Variants in TPPP2 observed in about 807,000 individuals in gnomAD.
The protein encoded by TPPP2 is tubulin polymerization-promoting protein family member 2.
TPPP2 carries 8 observed loss-of-function variants against 13.0 expected under a neutral mutation model. The ratio of observed to expected loss-of-function variants is 0.62; its 90% CI spans 0.36 to 1.11. The LOEUF (loss-of-function observed/expected upper bound fraction) is 1.11, where lower values mean the gene tolerates loss of function less well. Ranked by LOEUF, TPPP2 falls within the 50% of genes most tolerant of loss-of-function variation. The pLI is 0.02. For missense variants in TPPP2, 213 were observed against 216.9 expected, an observed-to-expected ratio of 0.98 and a Z score of 0.11; for synonymous variants, 81 against 81.8, an observed-to-expected ratio of 0.99 and a Z score of 0.05.
At position 21,031,174 on chromosome 14, in the gene TPPP2, C is replaced by T. The variant is rs769283650; in HGVS notation, c.327+9C>T. ...CCACCACTGGCGCTACTGTGAGTGACAGCCTTCATCCCCTTGACCCTACTT... is the reference window on the plus strand; with the variant it reads ...CCACCACTGGCGCTACTGTGAGTGATAGCCTTCATCCCCTTGACCCTACTT... On this transcript the variant is annotated intron_variant, in intron 3 of 3. Coordinates refer to ENST00000321760, the MANE Select transcript of TPPP2 (RefSeq NM_173846.5). 4 of 1,612,592 alleles carry T rather than the reference C, an allele frequency of 2.5e-6. No individual in the cohort carries two copies. The highest frequency in any genetic ancestry group is 3.4e-6 in the Non-Finnish European group (4 of 1,179,294).
chr14:21,036,321 T>A (rs1186230298), downstream of TPPP2: 1 of 454,596 alleles, frequency 2.2e-6, no homozygotes, highest in Non-Finnish European at 4.4e-6. Flanking sequence ...TGCAATAGCT[T>A]GTTTCTCATA....
chr14:21,034,134 C>G, downstream of TPPP2: 4 of 1,614,174 alleles, frequency 2.5e-6, no homozygotes, highest in Non-Finnish European at 3.4e-6. Context: ...CAGACCATTA[C>G]AATAGCCCCG....
Position 21,031,067 on chromosome 14 carries a change from C to A in TPPP2, c.229C>A (p.Leu77Met). 11 of 1,614,130 alleles carry A rather than the reference C, an allele frequency of 6.8e-6. No homozygotes were observed. The highest frequency in any genetic ancestry group is 9.3e-6 in the Non-Finnish European group (11 of 1,180,030). Residue 77 changes from leucine to methionine, a missense_variant, in exon 3 of 4, where the codon CTG becomes ATG. Physicochemically the swap from Leu to Met is conservative, Grantham distance 15. Coordinates refer to ENST00000321760, the MANE Select transcript of TPPP2 (RefSeq NM_173846.5). ...FQQFKEAVKE[L>M]GQKRFKGKSP... is the part of the protein sequence containing the mutation. ...ACAGTTCAAAGAGGCAGTGAAGGAACTGGGCCAGAAGCGCTTCAAAGGGAA... is the reference window on the plus strand; with the variant it reads ...ACAGTTCAAAGAGGCAGTGAAGGAAATGGGCCAGAAGCGCTTCAAAGGGAA...
downstream of TPPP2, chr14:21,034,714 C>T (rs376499103): frequency 1.7e-5 from 3 of 171,848 alleles, no homozygotes; most frequent in East Asian, 1.6e-4. Context: ...TGGGTAGGGA[C>T]GTGTATTCTT....
downstream of TPPP2, chr14:21,036,187 T>C (rs1172840140): frequency 2.2e-6 from 1 of 456,180 alleles, no homozygotes. Context: ...TATTTCTTCC[T>C]CAGTGGATGC....
In TPPP2 at chr14:21,030,662, C is replaced by T. The variant is rs1461861655; in HGVS notation, c.81C>T (p.Asn27=). The part of the protein sequence containing the change: ...ESSSSGTEMN[N]KNFSKLCKDC... Reference sequence around the variant, plus strand: ...CAAGCAGTGGCACTGAAATGAACAACAAGAACTTCTCCAAGCTGTGCAAAG... The same window carrying T: ...CAAGCAGTGGCACTGAAATGAACAATAAGAACTTCTCCAAGCTGTGCAAAG... Residue 27 remains asparagine, a synonymous_variant, in exon 2 of 4, where the codon AAC becomes AAT. Transcript: ENST00000321760. 2.5e-6 allele frequency: 4 copies of T among 1,614,008 alleles called. No individual in the cohort carries two copies. Among genetic ancestry groups the T allele is most frequent in the African/African-American group, 2.7e-5 (2 of 74,920 alleles).
intron 1 of TPPP2, chr14:21,024,698 G>C: frequency 1.0e-6 from 1 of 985,458 alleles, no homozygotes; most frequent in Non-Finnish European, 1.2e-6. Flanking sequence ...AGCGCCATCG[G>C]GAAGGGATGG....
intron 1 of TPPP2, 53 bp from the exon 2 acceptor site, chr14:21,030,460 T>C: frequency 1.0e-6 from 1 of 1,000,030 alleles, no homozygotes; most frequent in Non-Finnish European, 1.5e-6. Context: ...AGAGGGGAGC[T>C]GTTCCTGTTG....
intron 3 of TPPP2, 152 bp downstream of exon 3, chr14:21,031,317 T>C (rs1442329582): frequency 2.8e-6 from 3 of 1,059,020 alleles, no homozygotes; most frequent in African/African-American, 1.6e-5. Context: ...CAGGAAAATG[T>C]GGCCCAGAGA....
downstream of TPPP2, chr14:21,036,120 A>C: frequency 8.9e-6 from 4 of 450,520 alleles, no homozygotes; most frequent in South Asian, 1.6e-5. Flanking sequence ...GCCTGAGTCC[A>C]TCAGTCACAC....
chr14:21,025,088 C>G lies in TPPP2; in HGVS notation n.236+744C>G. Reference sequence around the variant, plus strand: ...CCTTTGACTCGGGCCCGCCCCGGCTCGGGCTTCCCGCAGACCCGCCCCCGG... The same window carrying G: ...CCTTTGACTCGGGCCCGCCCCGGCTGGGGCTTCCCGCAGACCCGCCCCCGG... On this transcript the variant is annotated intron_variant and non_coding_transcript_variant, in intron 1 of 1. Transcript: ENST00000533755. This position sits in a 1 kb window ranked among gnomAD's most constrained non-coding sequence, Gnocchi z 5.1. 1.0e-6 allele frequency: 1 copy of G among 986,048 alleles called. No homozygotes were observed. The highest frequency in any genetic ancestry group is 1.2e-6 in the Non-Finnish European group (1 of 830,528). 61.1% of individuals were successfully genotyped at this position (986,048 alleles called of 1,614,324 possible). A position where few individuals can be genotyped will look rare whatever the true frequency, so the allele number is the denominator to read the frequency against.
chr14:21,025,724 G>C (rs1048011329), upstream of TPPP2: 2 of 985,108 alleles, frequency 2.0e-6, no homozygotes, highest in South Asian at 4.7e-5. The surrounding 1 kb of genome is among the most constrained non-coding windows in gnomAD (Gnocchi z 5.1). Flanking sequence ...GGCTGCTCCG[G>C]GAGAAGTTGG....
Position 21,032,491 on chromosome 14 carries a change from T to C in TPPP2, c.*414T>C. On this transcript the variant is annotated 3_prime_UTR_variant, in exon 4 of 4. Coordinates refer to ENST00000321760, the MANE Select transcript of TPPP2 (RefSeq NM_173846.5). ...CGTGATGGACTATGACTATATCACA[T>C]ATTAGATCCTTCCCTGTCCCTCCAC... 1 of 364,420 alleles carries C rather than the reference T, an allele frequency of 2.7e-6. No individual in the cohort carries two copies. The highest frequency in any genetic ancestry group is 2.0e-5 in the South Asian group (1 of 48,940). The allele number at this position is 364,420 out of a possible 1,614,324, so 22.6% of individuals were successfully genotyped here.
chr14:21,025,944 G>C (rs1380672845), upstream of TPPP2: 1 of 155,870 alleles, frequency 6.4e-6, no homozygotes, highest in Non-Finnish European at 1.4e-5. The surrounding 1 kb of genome is among the most constrained non-coding windows in gnomAD (Gnocchi z 5.1). Context: ...CGGGGGTGGA[G>C]TAGGGGCTTG....
upstream of TPPP2, chr14:21,028,991 AAG>A (rs1883881989): frequency 6.6e-6 from 1 of 152,202 alleles, no homozygotes; most frequent in Non-Finnish European, 1.5e-5. Context: ...GAAAAGGCCG[AAG>A]AGAGAAAACC....
chr14:21,034,493 C>T (rs773111999), downstream of TPPP2, among the ~76,000 whole-genome samples: 2 of 152,202 alleles, frequency 1.3e-5, no homozygotes, highest in Non-Finnish European at 2.9e-5. Flanking sequence ...GCCCTGCTCC[C>T]CTGGTCCACC....
At position 21,025,208 on chromosome 14, in the gene TPPP2, G is replaced by T; in HGVS notation, n.236+864G>T. ...CCCCTTTCACCCCGCCCAGACTGCC[G>T]CTCAGGAAAGGGTTGTGCTGGGGCC... is the stretch of plus-strand genomic sequence containing the variant. On this transcript the variant is annotated intron_variant and non_coding_transcript_variant, in intron 1 of 1. Transcript: ENST00000533755. This position sits in a 1 kb window ranked among gnomAD's most constrained non-coding sequence, Gnocchi z 5.1. 2 of 862,666 alleles carry T rather than the reference G, an allele frequency of 2.3e-6. No individual in the cohort carries two copies. The highest frequency in any genetic ancestry group is 2.8e-6 in the Non-Finnish European group (2 of 717,890). 53.4% of individuals were successfully genotyped at this position (862,666 alleles called of 1,614,324 possible).
chr14:21,033,345 G>A (rs778995306), downstream of TPPP2: 11 of 286,120 alleles, frequency 3.8e-5, no homozygotes, highest in Non-Finnish European at 7.5e-5. Flanking sequence ...CCTATAGCTA[G>A]CCATATCCCC....
At position 21,030,377 on chromosome 14, in the gene TPPP2, G is replaced by C. The variant is rs1594473128; in HGVS notation, c.-70+73G>C. 4 of 585,660 alleles carry C rather than the reference G, an allele frequency of 6.8e-6. No homozygotes were observed. The East Asian group carries it at 1.2e-4, about 17-fold the overall frequency. 36.3% of individuals were successfully genotyped at this position (585,660 alleles called of 1,614,324 possible). On this transcript the variant is annotated intron_variant, in intron 1 of 3. Transcript: ENST00000321760. ...TCCACACTGGTATCTCCAATGCTGGGAATGGGAGACTCATGCTGTAGTTGC... is the reference window on the plus strand; with the variant it reads ...TCCACACTGGTATCTCCAATGCTGGCAATGGGAGACTCATGCTGTAGTTGC...
Sources: gnomAD v4.1 joint callset for allele counts (sites outside exome capture counted in the v4.1 genomes callset) on GRCh38, gnomAD v4.1.1 for gene constraint, Gnocchi (gnomAD v3.1) non-coding constraint, MANE v1.5 for transcripts, NCBI Gene and HGNC (gene_info 2026-07-23, HGNC 2026-07-21) for gene names.